The following ERMP1 variants were observed in gnomAD, a reference collection of about 807,000 sequenced individuals.
ERMP1 encodes the protein Felix-ina.
In ERMP1, 86 loss-of-function variants were observed where a neutral mutation model predicts 92.0. That is an observed-to-expected ratio of 0.93 (90% CI 0.79 to 1.12). The LOEUF is 1.12. Among genes scored for constraint, ERMP1 ranks in the 50% most tolerant of loss-of-function variants. The probability of loss-of-function intolerance (pLI) is 0.00; values close to 1 mark genes in which losing one functional copy is unlikely to be tolerated. For synonymous variants in ERMP1, 530 were observed against 412.8 expected (o/e 1.28, Z -3.44); for missense variants, 1,342 against 1,116.3 (o/e 1.20, Z -2.88).
At chr9:5,832,381 C>T (rs1442035222) in intron 1 of ERMP1, 4 of 351,844 alleles carry the variant, frequency 1.1e-5, no homozygotes, top group Non-Finnish European at 2.0e-5. Context: ...GAAGCTGTTC[C>T]AGAATATGGG....
chr9:5,865,812 C>G (rs898149220), intron 5 of ERMP1, among the ~76,000 whole-genome samples: 2 of 137,054 alleles, frequency 1.5e-5, no homozygotes, highest in Non-Finnish European at 3.1e-5. Context: ...TACTCCAGCC[C>G]GGGCAACAGA....
chr9:5,824,100 G>C lies in ERMP1; in HGVS notation c.769-99C>G. ...AGAGAGACTACTTTGATGAGGTAAGGAATATGAAAACAAAATAATCGCTCT... is the reference window on the plus strand; with the variant it reads ...AGAGAGACTACTTTGATGAGGTAAGCAATATGAAAACAAAATAATCGCTCT... On this transcript the variant is annotated intron_variant, in intron 3 of 14. Transcript: ENST00000339450. The C allele has an allele frequency of 3.5e-6, 3 of 851,252 alleles. No individual in the cohort carries two copies. The South Asian group carries it at 4.9e-5, about 14-fold the overall frequency. 52.7% of individuals were successfully genotyped at this position (851,252 alleles called of 1,614,324 possible).
chr9:5,822,352 G>A (rs565289795), intron 4 of ERMP1, among the ~76,000 whole-genome samples: 2 of 152,314 alleles, frequency 1.3e-5, no homozygotes, highest in African/African-American at 4.8e-5. Flanking sequence ...ATTAGTTAGA[G>A]TAAGAATAAA....
At chr9:5,829,255 AC>A (rs986017397) in intron 2 of ERMP1, among the ~76,000 whole-genome samples, 1 of 151,252 alleles carries the variant, frequency 6.6e-6, no homozygotes, top group African/African-American at 2.4e-5. Flanking sequence ...ACCACTGGTT[AC>A]CCCAGCAGCA....
chr9:5,861,930 G>C (rs970710531), intron 5 of ERMP1, among the ~76,000 whole-genome samples: 9 of 151,662 alleles, frequency 5.9e-5, no homozygotes, highest in Non-Finnish European at 1.3e-4. Context: ...GATAATCAGG[G>C]GCTGTCCCTC....
At position 5,815,919 on chromosome 9, in the gene ERMP1, A is replaced by G. The variant is rs183941086; in HGVS notation, c.875-2884T>C. 1.4e-4 allele frequency among the ~76,000 whole-genome samples: 21 copies of G among 152,298 alleles called. No homozygotes were observed. In the East Asian group the frequency reaches 3.7e-3, roughly 27 times the overall value. Reference sequence around the variant, plus strand: ...GTACATTACGAGATCTTATCATATTAAAATACTATTATTAAAATATTACTA... The same window carrying G: ...GTACATTACGAGATCTTATCATATTGAAATACTATTATTAAAATATTACTA... On this transcript the variant is annotated intron_variant, in intron 4 of 14. Coordinates refer to ENST00000339450, the MANE Select transcript of ERMP1 (RefSeq NM_024896.3).
chr9:5,847,702 T>C (rs1830254589), intron 6 of ERMP1, among the ~76,000 whole-genome samples: 1 of 152,022 alleles, frequency 6.6e-6, no homozygotes, highest in Non-Finnish European at 1.5e-5. Flanking sequence ...GAGACCATCC[T>C]GGCTAACACG....
rs1563740752 is a variant in ERMP1 at position 5,785,699 on chromosome 9, T to G, written c.*1445A>C. On this transcript the variant is annotated 3_prime_UTR_variant, in exon 15 of 15. Transcript: ENST00000339450. Reference sequence around the variant, plus strand: ...ATGCATACTTACTGTGCTCTTTCTATTCAGACAGATCCACAGACCACCTTT... The same window carrying G: ...ATGCATACTTACTGTGCTCTTTCTAGTCAGACAGATCCACAGACCACCTTT... 6.5e-6 allele frequency: 1 copy of G among 152,758 alleles called. No individual in the cohort carries two copies. The highest frequency in any genetic ancestry group is 1.5e-5 in the Non-Finnish European group (1 of 68,034). 9.5% of individuals were successfully genotyped at this position (152,758 alleles called of 1,614,324 possible). A position where few individuals can be genotyped will look rare whatever the true frequency, so the allele number is the denominator to read the frequency against.
At chr9:5,805,970 A>G (rs1391843740) in intron 8 of ERMP1, among the ~76,000 whole-genome samples, 185 bp from the exon 9 acceptor site, 1 of 152,250 alleles carries the variant, frequency 6.6e-6, no homozygotes, top group Non-Finnish European at 1.5e-5. Context: ...TAGTAAATTC[A>G]AATGTAGCAC....
At position 5,795,466 on chromosome 9, in the gene ERMP1, A is replaced by C. The variant is rs945580981; in HGVS notation, c.2386+2351T>G. 5.3e-5 allele frequency among the ~76,000 whole-genome samples: 8 copies of C among 152,316 alleles called. No individual in the cohort carries two copies. The East Asian group carries it at 9.6e-4, about 18-fold the overall frequency. On this transcript the variant is annotated intron_variant, in intron 13 of 14. Transcript: ENST00000339450. ...GAAATAAAACTGTCTGCAGATGATA[A>C]GATTGTCTATTCATAGAATCTTAAA...
At chr9:5,815,049 T>C (rs1586801929) in intron 4 of ERMP1, among the ~76,000 whole-genome samples, 1 of 151,900 alleles carries the variant, frequency 6.6e-6, no homozygotes, top group Non-Finnish European at 1.5e-5. Context: ...GGTTGGAAAA[T>C]ACACAAATGT....
intron 13 of ERMP1, among the ~76,000 whole-genome samples, chr9:5,795,934 A>C (rs1010764884): frequency 2.0e-5 from 3 of 152,198 alleles, no homozygotes; most frequent in African/African-American, 4.8e-5. Context: ...TTTCCTGTAG[A>C]CCATCAATGA....
chr9:5,788,946 A>G (rs1828056239), intron 13 of ERMP1, among the ~76,000 whole-genome samples: 1 of 152,176 alleles, frequency 6.6e-6, no homozygotes. Context: ...AAATTTAATA[A>G]CAGTCATAAA....
intron 6 of ERMP1, chr9:5,855,909 G>T: frequency 4.8e-6 from 1 of 206,968 alleles, no homozygotes. Context: ...TTAAATGACT[G>T]GCTTTGCCAC....
At chr9:5,836,535 G>A (rs1057180068), upstream of ERMP1, among the ~76,000 whole-genome samples, 1 of 152,250 alleles carries the variant, frequency 6.6e-6, no homozygotes. Context: ...GCTAGGTGCT[G>A]TTGCGGATAG....
chr9:5,837,166 T>G (rs565542364), upstream of ERMP1, among the ~76,000 whole-genome samples: 3 of 152,320 alleles, frequency 2.0e-5, no homozygotes, highest in South Asian at 4.1e-4. Flanking sequence ...TTCTCTTTTT[T>G]TAGAGACAGG....
intron 2 of ERMP1, among the ~76,000 whole-genome samples, chr9:5,826,648 A>G (rs1464961311): frequency 6.6e-6 from 1 of 152,244 alleles, no homozygotes; most frequent in Non-Finnish European, 1.5e-5. Flanking sequence ...TTGTATTTCA[A>G]TCGAAGTGAA....
chr9:5,832,973 G>A lies in ERMP1; in HGVS notation c.55C>T (p.Arg19Cys). 6.4e-7 allele frequency: 1 copy of A among 1,564,000 alleles called. No individual in the cohort carries two copies. The highest frequency in any genetic ancestry group is 8.6e-7 in the Non-Finnish European group (1 of 1,166,044). The part of the protein sequence containing the change: ...AVRRHRVGVE[R>C]REGAAAAPPP... ...GGCGCGGCCGCCGCTCCCTCTCGAC[G>A]CTCTACTCCGACGCGGTGCCGCCTC... Residue 19 changes from arginine to cysteine, a missense_variant, in exon 1 of 15, where the codon CGT becomes TGT. Arg to Cys is a radical substitution (Grantham distance 180). Coordinates refer to ENST00000339450, the MANE Select transcript of ERMP1 (RefSeq NM_024896.3).
chr9:5,854,593 G>A (rs752168145), intron 6 of ERMP1, among the ~76,000 whole-genome samples: 9 of 152,140 alleles, frequency 5.9e-5, no homozygotes, highest in Non-Finnish European at 8.8e-5. Flanking sequence ...GTGCAGTGGT[G>A]TGATCTCCAC....
Sources: allele counts gnomAD v4.1 joint callset (sites outside exome capture counted in the v4.1 genomes callset), GRCh38; gene constraint gnomAD v4.1.1; transcripts MANE v1.5; gene names NCBI Gene and HGNC (gene_info 2026-07-23, HGNC 2026-07-21).